Variants in ARHGAP44 observed in about 807,000 individuals in gnomAD.
ARHGAP44 encodes the protein Rho GTPase activating protein 44.
In ARHGAP44, 43 loss-of-function variants were observed where a neutral mutation model predicts 106.8. That is an observed-to-expected ratio of 0.40 (90% CI 0.32 to 0.52). The LOEUF (loss-of-function observed/expected upper bound fraction) is 0.52, where lower values mean the gene tolerates loss of function less well. Among genes scored for constraint, ARHGAP44 ranks in the 20% least tolerant of loss-of-function variants. The probability of loss-of-function intolerance (pLI) is 0.48; values close to 1 mark genes in which losing one functional copy is unlikely to be tolerated. For missense variants in ARHGAP44, 866 were observed against 1,050.5 expected (o/e 0.82, Z 2.43); for synonymous variants, 439 against 410.3 (o/e 1.07, Z -0.85).
At chr17:12,792,901 AT>A (rs1440911806) in intron 1 of ARHGAP44, among the ~76,000 whole-genome samples, 2 of 152,222 alleles carry the variant, frequency 1.3e-5, no homozygotes, top group Non-Finnish European at 2.9e-5. Context: ...GATAAAACCC[AT>A]TGTATTTAAC....
rs895779170 is a variant in ARHGAP44, at chr17:12,926,705, T to G, written c.465-2224T>G. Among the ~76,000 whole-genome samples, 5 of 151,824 alleles carry G rather than the reference T, an allele frequency of 3.3e-5. No individual in the cohort carries two copies. In the East Asian group the frequency reaches 9.7e-4, roughly 29 times the overall value. On this transcript the variant is annotated intron_variant, in intron 6 of 20. Coordinates refer to ENST00000379672, the MANE Select transcript of ARHGAP44 (RefSeq NM_014859.6). The stretch of plus-strand genomic sequence containing the variant: ...ACTTGGGAAAATGTCTTCATTTTAA[T>G]ATACCTATATTTAGTATGATTCTGT...
chr17:12,805,521 A>G (rs1305940648), intron 1 of ARHGAP44, among the ~76,000 whole-genome samples: 1 of 152,126 alleles, frequency 6.6e-6, no homozygotes, highest in East Asian at 1.9e-4. Flanking sequence ...ACTAACAAGA[A>G]TCTGACTTTG....
At chr17:12,939,758 G>A (rs937394003) in intron 7 of ARHGAP44, among the ~76,000 whole-genome samples, 12 of 152,210 alleles carry the variant, frequency 7.9e-5, no homozygotes, top group Non-Finnish European at 8.8e-5. Flanking sequence ...GAGCCACCAC[G>A]CCCGGCCAAT....
intron 7 of ARHGAP44, 59 bp downstream of exon 7, chr17:12,929,105 C>T: frequency 6.8e-7 from 1 of 1,477,614 alleles, no homozygotes; most frequent in Non-Finnish European, 9.3e-7. Flanking sequence ...CAGGGATTCC[C>T]TTTTTGTTCA....
intron 1 of ARHGAP44, among the ~76,000 whole-genome samples, chr17:12,875,643 T>A (rs1017363182): frequency 6.6e-6 from 1 of 151,936 alleles, no homozygotes; most frequent in Non-Finnish European, 1.5e-5. Context: ...ACCCTCAAGC[T>A]ATTTTAAGAA....
intron 16 of ARHGAP44, among the ~76,000 whole-genome samples, chr17:12,971,245 C>G (rs2039521386): frequency 6.6e-6 from 1 of 152,128 alleles, no homozygotes; most frequent in Non-Finnish European, 1.5e-5. Context: ...CCTTGGTAAA[C>G]CAGAAGATCA....
At chr17:12,844,698 T>A (rs1245348690) in intron 1 of ARHGAP44, among the ~76,000 whole-genome samples, 3 of 152,232 alleles carry the variant, frequency 2.0e-5, no homozygotes, top group African/African-American at 7.2e-5. Context: ...AAAAGCTGGA[T>A]AATGAAAAAC....
intron 2 of ARHGAP44, among the ~76,000 whole-genome samples, chr17:12,895,477 G>A (rs957699268): frequency 6.6e-6 from 1 of 152,150 alleles, no homozygotes; most frequent in African/African-American, 2.4e-5. Flanking sequence ...TCTGTTGGCT[G>A]CATAAATGTC....
intron 1 of ARHGAP44, among the ~76,000 whole-genome samples, chr17:12,888,770 G>GT (rs1456818089): frequency 1.3e-5 from 2 of 152,154 alleles, no homozygotes; most frequent in East Asian, 1.9e-4. Flanking sequence ...TTACAGCTCT[G>GT]TTTTTTGGTG....
intron 1 of ARHGAP44, among the ~76,000 whole-genome samples, chr17:12,868,079 A>G (rs1464805300): frequency 6.6e-6 from 1 of 152,188 alleles, no homozygotes; most frequent in Non-Finnish European, 1.5e-5. Context: ...AAAGTACCAG[A>G]CTGAGAGCGT....
intron 1 of ARHGAP44, among the ~76,000 whole-genome samples, chr17:12,868,491 G>C (rs1208564310): frequency 6.7e-6 from 1 of 150,126 alleles, no homozygotes; most frequent in African/African-American, 2.5e-5. Flanking sequence ...CCACATGCAA[G>C]ATCGTGGAGA....
chr17:12,907,574 A>C (rs1407779692), intron 3 of ARHGAP44, among the ~76,000 whole-genome samples: 1 of 152,184 alleles, frequency 6.6e-6, no homozygotes, highest in Non-Finnish European at 1.5e-5. Flanking sequence ...TTTATATAAT[A>C]TGTGTCCTTT....
At chr17:12,842,455 G>T (rs1285929151) in intron 1 of ARHGAP44, among the ~76,000 whole-genome samples, 2 of 146,340 alleles carry the variant, frequency 1.4e-5, no homozygotes, top group African/African-American at 2.5e-5. Flanking sequence ...GAAAAGAAAA[G>T]AAAAAAATCA....
chr17:12,825,394 ACAGAAC>A (rs1178718309), intron 1 of ARHGAP44, among the ~76,000 whole-genome samples: 4 of 150,562 alleles, frequency 2.7e-5, no homozygotes, highest in African/African-American at 1.0e-4. Flanking sequence ...CTTTAGAGAA[ACAGAAC>A]CAATAAGGAG....
intron 5 of ARHGAP44, among the ~76,000 whole-genome samples, chr17:12,917,927 C>T: frequency 6.6e-6 from 1 of 152,304 alleles, no homozygotes; most frequent in Middle Eastern, 3.4e-3. Context: ...ACAACGAGCA[C>T]CTCCACATCC....
At chr17:12,951,983 A>G (rs1567705325) in intron 12 of ARHGAP44, among the ~76,000 whole-genome samples, 1 of 152,196 alleles carries the variant, frequency 6.6e-6, no homozygotes, top group Non-Finnish European at 1.5e-5. Flanking sequence ...AGGCCAACTC[A>G]GCAGGACACA....
intron 7 of ARHGAP44, among the ~76,000 whole-genome samples, chr17:12,940,138 G>A (rs1465663480): frequency 6.6e-6 from 1 of 152,122 alleles, no homozygotes; most frequent in African/African-American, 2.4e-5. Flanking sequence ...CAGCTTTCTT[G>A]TGCTGTTGCC....
chr17:12,944,300 C>A, intron 10 of ARHGAP44, 104 bp downstream of exon 10: 1 of 1,398,212 alleles, frequency 7.2e-7, no homozygotes, highest in Non-Finnish European at 9.4e-7. Context: ...CCGGCCCCCA[C>A]GAATCCAAAT....
intron 20 of ARHGAP44, chr17:12,988,576 A>G (rs1296686798): frequency 6.6e-6 from 1 of 152,234 alleles, no homozygotes; most frequent in African/African-American, 2.4e-5. Context: ...AGCAAAACAA[A>G]GACTGGAAGG....
Sources: gnomAD v4.1 joint callset for allele counts (sites outside exome capture counted in the v4.1 genomes callset) on GRCh38, gnomAD v4.1.1 for gene constraint, MANE v1.5 for transcripts, NCBI Gene and HGNC (gene_info 2026-07-23, HGNC 2026-07-21) for gene names.